KMT2E: variants seen among roughly 807,000 people sequenced by gnomAD.
KMT2E encodes the protein lysine methyltransferase 2E (inactive).
In KMT2E, 30 loss-of-function variants were observed where a neutral mutation model predicts 184.6. The ratio of observed to expected loss-of-function variants is 0.16; its 90% confidence interval spans 0.12 to 0.22. The LOEUF (loss-of-function observed/expected upper bound fraction) is 0.22. KMT2E is among the 10% of genes least tolerant of loss of function. The pLI, the probability that KMT2E is intolerant of heterozygous loss-of-function variation, is 1.00. For synonymous variants in KMT2E, 815 were observed against 776.5 expected (o/e 1.05, Z -0.82); for missense variants, 2,023 against 2,237.4 (o/e 0.90, Z 1.93).
At chr7:105,071,830 G>C (rs1340289489) in intron 6 of KMT2E, among the ~76,000 whole-genome samples, 2 of 151,368 alleles carry the variant, frequency 1.3e-5, no homozygotes, top group African/African-American at 4.8e-5. Flanking sequence ...GTGTTTGACA[G>C]ACTTGCATTT....
rs368973029 is a variant in KMT2E at position 105,055,912 on chromosome 7, C to CT, written c.72-6238dup. Reference sequence around the variant, plus strand: ...GTTAGTTTCTTAAGAAGAAGGATCACTTTTTTTTTTTTTTATTTCCAGCAT... The same window carrying CT: ...GTTAGTTTCTTAAGAAGAAGGATCACTTTTTTTTTTTTTTTATTTCCAGCAT... On this transcript the variant is annotated intron_variant, in intron 3 of 26. Transcript: ENST00000311117. 5.4e-3 allele frequency among the ~76,000 whole-genome samples: 778 copies of CT among 145,148 alleles called. 3 individuals carry two copies. The highest frequency in any genetic ancestry group is 0.026 in the Middle Eastern group (7 of 272).
At chr7:105,076,696 T>C (rs1201792773) in intron 9 of KMT2E, among the ~76,000 whole-genome samples, 1 of 152,186 alleles carries the variant, frequency 6.6e-6, no homozygotes, top group Non-Finnish European at 1.5e-5. Flanking sequence ...TTTTCTGGCT[T>C]AGGTAGAAAA....
chr7:105,095,149 G>A (rs1798352059), intron 15 of KMT2E, among the ~76,000 whole-genome samples: 1 of 151,930 alleles, frequency 6.6e-6, no homozygotes, highest in Non-Finnish European at 1.5e-5. Context: ...GCTTTTAGAA[G>A]TATTCACAAA....
intron 3 of KMT2E, among the ~76,000 whole-genome samples, chr7:105,041,587 G>A (rs927288856): frequency 1.3e-5 from 2 of 152,174 alleles, no homozygotes; most frequent in African/African-American, 4.8e-5. Context: ...TTTTAGTAGA[G>A]ATGGGGTTTC....
At chr7:105,102,814 C>G (rs903107682) in intron 17 of KMT2E, 1 of 152,278 alleles carries the variant, frequency 6.6e-6, no homozygotes, top group Middle Eastern at 3.2e-3. Context: ...AGGGGTAGAT[C>G]ATGAATGTAT....
In KMT2E at chr7:105,089,988, T is replaced by C. The variant is rs1320254653; in HGVS notation, c.1359-21T>C. The stretch of plus-strand genomic sequence containing the variant: ...TTTGTTTTATATTTTGAAATAAATA[T>C]TTAACTGGTTATCTTTCCAGTAAGT... On this transcript the variant is annotated intron_variant, in intron 13 of 26. Coordinates refer to ENST00000311117, the MANE Select transcript of KMT2E (RefSeq NM_182931.3). 3 of 1,589,478 alleles carry C rather than the reference T, an allele frequency of 1.9e-6. No homozygotes were observed. In the Admixed American group the frequency reaches 5.6e-5, roughly 30 times the overall value.
chr7:105,031,540 TCAGGAGTTTGAAAC>T (rs1302290752), intron 1 of KMT2E, among the ~76,000 whole-genome samples: 1 of 151,588 alleles, frequency 6.6e-6, no homozygotes, highest in Non-Finnish European at 1.5e-5. Flanking sequence ...TCACTTGAGG[TCAGGAGTTTGAAAC>T]CAGCCTGGCC....
intron 17 of KMT2E, 41 bp from the exon 18 acceptor site, chr7:105,105,398 G>T: frequency 7.0e-7 from 1 of 1,436,244 alleles, no homozygotes; most frequent in South Asian, 1.4e-5. Context: ...GGAGAATTTG[G>T]AATTACATAT....
intron 1 of KMT2E, among the ~76,000 whole-genome samples, chr7:105,022,455 G>A (rs1236124366): frequency 1.3e-5 from 2 of 151,920 alleles, no homozygotes; most frequent in African/African-American, 4.8e-5. Flanking sequence ...AGAAATATGT[G>A]TTTTTCTATC....
intron 15 of KMT2E, 92 bp from the exon 16 acceptor site, chr7:105,101,333 A>T (rs189360229): frequency 0.01 from 8,831 of 842,528 alleles, 60 homozygotes; most frequent in Non-Finnish European, 0.013. Flanking sequence ...GTATCATAGC[A>T]ATTATTTTTT....
At chr7:105,071,580 G>GTATA (rs1438005247) in intron 6 of KMT2E, among the ~76,000 whole-genome samples, 72 of 64,986 alleles carry the variant, frequency 1.1e-3, no homozygotes, top group African/African-American at 2.7e-3. Context: ...GTATGTGTGT[G>GTATA]TGTATATATA....
chr7:105,088,946 A>C (rs999421248), intron 13 of KMT2E, among the ~76,000 whole-genome samples: 8 of 152,212 alleles, frequency 5.3e-5, no homozygotes, highest in African/African-American at 1.9e-4. Context: ...TTAAAGGGTA[A>C]GACAAACTAG....
chr7:105,101,304 TAGA>T (rs1166107081), intron 15 of KMT2E, 118 bp from the exon 16 acceptor site: 2 of 599,348 alleles, frequency 3.3e-6, no homozygotes, highest in East Asian at 3.2e-5. Context: ...CCACCAATAA[TAGA>T]AGTAGTTTGC....
intron 15 of KMT2E, among the ~76,000 whole-genome samples, chr7:105,098,541 G>C (rs1231895116): frequency 6.6e-6 from 1 of 152,084 alleles, no homozygotes; most frequent in Non-Finnish European, 1.5e-5. Context: ...GAGTAGCTGG[G>C]ACTACAGGCG....
At chr7:105,048,675 G>C (rs571629170) in intron 3 of KMT2E, among the ~76,000 whole-genome samples, 4 of 152,202 alleles carry the variant, frequency 2.6e-5, no homozygotes, top group Admixed American at 6.5e-5. Context: ...TCCTGTAAAG[G>C]GCTAAAGAAT....
In KMT2E at chr7:105,073,614, T is replaced by C. The variant is rs375427275; in HGVS notation, c.498-5T>C. The C allele has an allele frequency of 1.1e-5, 18 of 1,573,902 alleles. No homozygotes were observed. The highest frequency in any genetic ancestry group is 2.2e-5 in the South Asian group (2 of 89,190). ...ATAAATAATTATGCTAATTTTTTAA[T>C]GTAGGAATTTGGATAAAGAGAGGGC... On this transcript the variant is annotated splice_region_variant and splice_polypyrimidine_tract_variant and intron_variant, in intron 6 of 26. Transcript: ENST00000311117.
chr7:105,113,540 A>G lies in KMT2E; in HGVS notation c.*207A>G, dbSNP rs1799430399. On this transcript the variant is annotated 3_prime_UTR_variant, in exon 27 of 27. Transcript: ENST00000311117. Reference sequence around the variant, plus strand: ...CCAGTATTAGGTATCTTTATTTTGTAAGTGAACATTCCAGCTGTTTTTTTC... The same window carrying G: ...CCAGTATTAGGTATCTTTATTTTGTGAGTGAACATTCCAGCTGTTTTTTTC... The G allele has an allele frequency of 2.0e-6, 1 of 507,122 alleles. No homozygotes were observed. The allele number at this position is 507,122 out of a possible 1,614,324, so 31.4% of individuals were successfully genotyped here. A position where few individuals can be genotyped will look rare whatever the true frequency, so the allele number is the denominator to read the frequency against.
chr7:105,035,366 A>G (rs945143115), intron 1 of KMT2E, among the ~76,000 whole-genome samples: 2 of 150,336 alleles, frequency 1.3e-5, no homozygotes, highest in African/African-American at 4.9e-5. Context: ...ATGGGGTTTC[A>G]TCATCTTGGC....
chr7:105,055,344 G>A (rs1246112196), intron 3 of KMT2E, among the ~76,000 whole-genome samples: 4 of 147,888 alleles, frequency 2.7e-5, no homozygotes, highest in African/African-American at 1.0e-4. Context: ...GTGAGCTGTT[G>A]TGCCTGGCCC....
Sources: gnomAD v4.1 joint callset for allele counts (sites outside exome capture counted in the v4.1 genomes callset) on GRCh38, gnomAD v4.1.1 for gene constraint, MANE v1.5 for transcripts, NCBI Gene and HGNC (gene_info 2026-07-23, HGNC 2026-07-21) for gene names.